The following SLC39A9 variants were observed in gnomAD, a reference collection of about 807,000 sequenced individuals.
The protein encoded by SLC39A9 is solute carrier family 39 member 9.
In SLC39A9, 14 loss-of-function variants were observed where a neutral mutation model predicts 28.4. The ratio of observed to expected loss-of-function variants is 0.49; its 90% CI spans 0.33 to 0.77. The LOEUF is 0.77. Among genes scored for constraint, SLC39A9 ranks in the 30% least tolerant of loss-of-function variants. The probability of loss-of-function intolerance (pLI) is 0.02; values close to 1 mark genes in which losing one functional copy is unlikely to be tolerated. For missense variants in SLC39A9, 283 were observed against 381.1 expected, an observed-to-expected ratio of 0.74 and a Z score of 2.14; for synonymous variants, 119 against 149.6, an observed-to-expected ratio of 0.80 and a Z score of 1.49.
At chr14:69,427,873 GA>G (rs1192838159) in intron 2 of SLC39A9, among the ~76,000 whole-genome samples, 1 of 152,204 alleles carries the variant, frequency 6.6e-6, no homozygotes, top group African/African-American at 2.4e-5. Context: ...ACAGCAGTTT[GA>G]AAAGAGCCCA....
At chr14:69,433,551 G>T (rs1884593794) in intron 2 of SLC39A9, among the ~76,000 whole-genome samples, 1 of 152,082 alleles carries the variant, frequency 6.6e-6, no homozygotes, top group African/African-American at 2.4e-5. Context: ...TAGTGAATTT[G>T]CAATCTTGGC....
At chr14:69,419,642 C>G (rs1291214532) in intron 1 of SLC39A9, among the ~76,000 whole-genome samples, 1 of 152,218 alleles carries the variant, frequency 6.6e-6, no homozygotes, top group Admixed American at 6.5e-5. Context: ...GTCTCAGTCT[C>G]TTTGCAGTTC....
At chr14:69,440,807 G>A (rs535555323) in intron 2 of SLC39A9, among the ~76,000 whole-genome samples, 1 of 152,096 alleles carries the variant, frequency 6.6e-6, no homozygotes, top group African/African-American at 2.4e-5. Flanking sequence ...CTGAGTAGCT[G>A]GGATTACAGG....
At chr14:69,405,321 C>A (rs1342766238) in intron 1 of SLC39A9, among the ~76,000 whole-genome samples, 2 of 152,294 alleles carry the variant, frequency 1.3e-5, no homozygotes, top group South Asian at 2.1e-4. Context: ...TATGCTTCTG[C>A]CTCTACAATA....
chr14:69,460,031 C>A lies in SLC39A9; in HGVS notation c.*1438C>A. ...TGAGATAGCAAAAGTGTTTAACAGA[C>A]TAGGATAATTTTTTTTTCATATTTG... is the stretch of plus-strand genomic sequence containing the variant. On this transcript the variant is annotated 3_prime_UTR_variant, in exon 7 of 7. Coordinates refer to ENST00000336643, the MANE Select transcript of SLC39A9 (RefSeq NM_018375.5). 1 of 984,872 alleles carries A rather than the reference C, an allele frequency of 1.0e-6. No individual in the cohort carries two copies. The allele number at this position is 984,872 out of a possible 1,614,324, so 61.0% of individuals were successfully genotyped here.
chr14:69,422,453 T>C (rs1420255579), intron 1 of SLC39A9, among the ~76,000 whole-genome samples: 1 of 152,048 alleles, frequency 6.6e-6, no homozygotes, highest in Non-Finnish European at 1.5e-5. Flanking sequence ...CAGGTGGGAG[T>C]GCAGTGATTA....
intron 1 of SLC39A9, among the ~76,000 whole-genome samples, chr14:69,405,828 T>C (rs952890046): frequency 1.3e-5 from 2 of 152,214 alleles, no homozygotes; most frequent in Admixed American, 6.5e-5. Flanking sequence ...TTAAGACTTA[T>C]CTGCATAATA....
chr14:69,402,099 C>G (rs1286772729), intron 1 of SLC39A9, among the ~76,000 whole-genome samples: 2 of 152,118 alleles, frequency 1.3e-5, no homozygotes, highest in Non-Finnish European at 2.9e-5. Flanking sequence ...GCTAGTGTTA[C>G]TGTTTTACAG....
chr14:69,446,377 T>C (rs955063205), intron 3 of SLC39A9, among the ~76,000 whole-genome samples: 5 of 151,224 alleles, frequency 3.3e-5, no homozygotes, highest in Admixed American at 6.6e-5. Flanking sequence ...CAGAGAAGAC[T>C]CAGGGCTGAT....
At position 69,461,489 on chromosome 14, in the gene SLC39A9, T is replaced by A; in HGVS notation, c.*2896T>A. 1 of 1,424,438 alleles carries A rather than the reference T, an allele frequency of 7.0e-7. No homozygotes were observed. Among genetic ancestry groups the A allele is most frequent in the Non-Finnish European group, 9.2e-7 (1 of 1,092,558 alleles). The allele number at this position is 1,424,438 out of a possible 1,614,324, so 88.2% of individuals were successfully genotyped here. A position where few individuals can be genotyped will look rare whatever the true frequency, so the allele number is the denominator to read the frequency against. ...GTACTACCTACCTAGAGGTTATGTG[T>A]TTTCTCTTTCTCCCCGCTTTCACCT... On this transcript the variant is annotated 3_prime_UTR_variant, in exon 7 of 7. Transcript: ENST00000336643.
chr14:69,452,967 G>T (rs928046978), intron 3 of SLC39A9, among the ~76,000 whole-genome samples: 5 of 152,150 alleles, frequency 3.3e-5, no homozygotes, highest in Admixed American at 6.6e-5. Context: ...TTAAGGTAGG[G>T]CTGAGTCAAA....
At chr14:69,403,090 AT>A in intron 1 of SLC39A9, among the ~76,000 whole-genome samples, 1 of 151,054 alleles carries the variant, frequency 6.6e-6, no homozygotes, top group East Asian at 2.3e-4. Flanking sequence ...TCAGAAAAAA[AT>A]AAAAATAAAT....
chr14:69,447,136 A>G (rs1024774588), intron 3 of SLC39A9, among the ~76,000 whole-genome samples: 5 of 152,158 alleles, frequency 3.3e-5, no homozygotes, highest in African/African-American at 1.2e-4. Context: ...TTATTTCCTT[A>G]TTGGCTTCAA....
At chr14:69,408,263 T>G (rs1349783138) in intron 1 of SLC39A9, among the ~76,000 whole-genome samples, 1 of 151,812 alleles carries the variant, frequency 6.6e-6, no homozygotes, top group African/African-American at 2.4e-5. Flanking sequence ...TCAGCCCGCC[T>G]TGGCCTCCGG....
chr14:69,421,271 G>T (rs575944407), intron 1 of SLC39A9, among the ~76,000 whole-genome samples: 1 of 152,360 alleles, frequency 6.6e-6, no homozygotes, highest in Non-Finnish European at 1.5e-5. Context: ...CTGCAGGTCT[G>T]TTGGAGTTTG....
At chr14:69,420,017 T>C (rs1883795800) in intron 1 of SLC39A9, among the ~76,000 whole-genome samples, 1 of 152,228 alleles carries the variant, frequency 6.6e-6, no homozygotes, top group African/African-American at 2.4e-5. Context: ...AATATTGTTA[T>C]GTGTGAATTT....
chr14:69,455,605 C>T (rs2139456039), intron 5 of SLC39A9, 127 bp from the exon 6 acceptor site: 1 of 1,277,428 alleles, frequency 7.8e-7, no homozygotes, highest in Non-Finnish European at 1.1e-6. Flanking sequence ...CAGGCATTAG[C>T]CACTGTGCCT....
chr14:69,454,508 G>T (rs1021278958), intron 4 of SLC39A9, among the ~76,000 whole-genome samples: 4 of 152,088 alleles, frequency 2.6e-5, no homozygotes, highest in Non-Finnish European at 4.4e-5. Context: ...ATGGATTTTT[G>T]ATTAGTTGGA....
In SLC39A9 at chr14:69,459,182, CAA is replaced by C. The variant is rs1886004781; in HGVS notation, c.*592_*593del. 1 of 985,544 alleles carries C rather than the reference CAA, an allele frequency of 1.0e-6. No homozygotes were observed. The highest frequency in any genetic ancestry group is 1.7e-5 in the African/African-American group (1 of 57,238). 61.0% of individuals were successfully genotyped at this position (985,544 alleles called of 1,614,324 possible). On this transcript the variant is annotated 3_prime_UTR_variant, in exon 7 of 7. Coordinates refer to ENST00000336643, the MANE Select transcript of SLC39A9 (RefSeq NM_018375.5). The stretch of plus-strand genomic sequence containing the variant: ...ACACATTGAAAGCTCTCTTTATACT[CAA>C]AAGAGATATCCATTGAAAAGGGATG...
Sources: allele counts gnomAD v4.1 joint callset (sites outside exome capture counted in the v4.1 genomes callset), GRCh38; gene constraint gnomAD v4.1.1; transcripts MANE v1.5; gene names NCBI Gene and HGNC (gene_info 2026-07-23, HGNC 2026-07-21).